The following DPP6 variants were observed in gnomAD, a reference collection of about 807,000 sequenced individuals.
The protein encoded by DPP6 is A-type potassium channel modulatory protein DPP6.
DPP6 carries 69 observed loss-of-function variants against 122.6 expected under a neutral mutation model. That is an observed-to-expected ratio of 0.56 (90% CI 0.46 to 0.69). The LOEUF is 0.69. Among genes scored for constraint, DPP6 ranks in the 30% least tolerant of loss-of-function variants. DPP6 has a pLI of 0.00. For missense variants in DPP6, 928 were observed against 1,116.9 expected (o/e 0.83, Z 2.41); for synonymous variants, 418 against 433.1 (o/e 0.97, Z 0.43).
intron 1 of DPP6, among the ~76,000 whole-genome samples, chr7:154,279,037 G>A (rs1247532536): frequency 3.3e-5 from 5 of 151,088 alleles, no homozygotes; most frequent in Admixed American, 6.6e-5. Context: ...GTATGTGTAT[G>A]TATGGGCATG....
intron 5 of DPP6, among the ~76,000 whole-genome samples, chr7:154,610,055 A>G (rs1833810267): frequency 6.6e-6 from 1 of 152,228 alleles, no homozygotes; most frequent in African/African-American, 2.4e-5. Flanking sequence ...ATCATGTTGT[A>G]TGCGGTGTGT....
the DPP6 span, among the ~76,000 whole-genome samples, chr7:153,824,310 C>A: frequency 6.9e-6 from 1 of 144,794 alleles, no homozygotes; most frequent in East Asian, 2.1e-4. Flanking sequence ...TCACTTGAAC[C>A]CGGGAGGTGG....
At chr7:154,124,216 A>C (rs900351034) in intron 1 of DPP6, among the ~76,000 whole-genome samples, 33 of 152,242 alleles carry the variant, frequency 2.2e-4, no homozygotes, top group Non-Finnish European at 4.4e-5. Context: ...AGAAATATGC[A>C]GGGTGCTGGC....
the DPP6 span, among the ~76,000 whole-genome samples, chr7:153,759,971 ATCTC>A: frequency 0.054 from 7,361 of 136,856 alleles, 172 homozygotes; most frequent in African/African-American, 0.056. Context: ...CTGTTTCTGT[ATCTC>A]TCTCTCTCTC....
intron 6 of DPP6, among the ~76,000 whole-genome samples, chr7:154,666,327 C>T (rs1208331794): frequency 1.3e-5 from 2 of 148,964 alleles, no homozygotes; most frequent in Non-Finnish European, 3.0e-5. Flanking sequence ...CACCTGCACC[C>T]TACTTCATTG....
intron 1 of DPP6, among the ~76,000 whole-genome samples, chr7:153,888,273 G>A (rs1799028831): frequency 2.0e-5 from 3 of 152,220 alleles, no homozygotes; most frequent in African/African-American, 7.2e-5. Flanking sequence ...CCTGCTCCCT[G>A]GATTGGGGAC....
At chr7:154,725,667 T>G (rs1176508531) in intron 7 of DPP6, among the ~76,000 whole-genome samples, 1 of 152,192 alleles carries the variant, frequency 6.6e-6, no homozygotes, top group Non-Finnish European at 1.5e-5. Flanking sequence ...ATTCCACTCC[T>G]GTCCCCTCCC....
chr7:153,845,787 A>T, the DPP6 span, among the ~76,000 whole-genome samples: 1 of 152,148 alleles, frequency 6.6e-6, no homozygotes, highest in Non-Finnish European at 1.5e-5. Flanking sequence ...ATAAGTTAAA[A>T]TATAATCAAT....
intron 10 of DPP6, among the ~76,000 whole-genome samples, chr7:154,774,845 C>T (rs1449771461): frequency 6.6e-6 from 1 of 152,200 alleles, no homozygotes; most frequent in African/African-American, 2.4e-5. Flanking sequence ...GAAGTCATTA[C>T]TAGCAAGTAA....
chr7:153,975,904 G>A (rs1460588065), intron 1 of DPP6, among the ~76,000 whole-genome samples: 4 of 152,320 alleles, frequency 2.6e-5, no homozygotes, highest in African/African-American at 4.8e-5. Context: ...TCCATGTGTA[G>A]GATGGGGATG....
At chr7:154,795,651 G>C (rs576190406) in intron 11 of DPP6, among the ~76,000 whole-genome samples, 194 bp from the exon 12 acceptor site, 1 of 152,222 alleles carries the variant, frequency 6.6e-6, no homozygotes, top group South Asian at 2.1e-4. Flanking sequence ...TCCGAGCCAC[G>C]CACGAGACAA....
chr7:154,764,147 C>T (rs943018244), intron 8 of DPP6, among the ~76,000 whole-genome samples: 1 of 152,148 alleles, frequency 6.6e-6, no homozygotes, highest in African/African-American at 2.4e-5. Flanking sequence ...GAGAGCTGTC[C>T]TTTCCCGGGC....
chr7:153,960,618 C>T (rs1172902585), intron 1 of DPP6, among the ~76,000 whole-genome samples: 1 of 70,120 alleles, frequency 1.4e-5, no homozygotes, highest in Non-Finnish European at 2.7e-5. Context: ...CCCAGCTCAG[C>T]TTAGCAGCCT....
intron 1 of DPP6, among the ~76,000 whole-genome samples, chr7:154,001,936 G>A (rs1287189586): frequency 6.6e-6 from 1 of 151,788 alleles, no homozygotes; most frequent in Middle Eastern, 3.2e-3. Flanking sequence ...ATGTTACCAC[G>A]GAGCATGGAG....
intron 3 of DPP6, among the ~76,000 whole-genome samples, chr7:154,493,433 T>A (rs1377910288): frequency 6.6e-6 from 1 of 152,174 alleles, no homozygotes; most frequent in Non-Finnish European, 1.5e-5. Flanking sequence ...CACAGGGAGA[T>A]TTTATTTAAA....
chr7:154,876,238 T>C (rs2150656283), intron 20 of DPP6, 138 bp downstream of exon 20: 1 of 1,303,344 alleles, frequency 7.7e-7, no homozygotes. Context: ...CTAAAATCTC[T>C]TGGCCATTCC....
intron 1 of DPP6, among the ~76,000 whole-genome samples, chr7:154,137,618 G>A (rs1392737739): frequency 1.5e-5 from 2 of 134,416 alleles, no homozygotes; most frequent in East Asian, 2.5e-4. Context: ...ATGCTGAGGG[G>A]ACGAAGCAGC....
chr7:154,849,138 A>G (rs538371031), intron 16 of DPP6, among the ~76,000 whole-genome samples: 85 of 152,018 alleles, frequency 5.6e-4, no homozygotes, highest in African/African-American at 1.3e-3. Flanking sequence ...TGCTTTGGCT[A>G]TTTGGGGTCT....
At chr7:154,345,946 G>C (rs1037861598) in intron 1 of DPP6, among the ~76,000 whole-genome samples, 6 of 152,176 alleles carry the variant, frequency 3.9e-5, no homozygotes, top group Admixed American at 3.3e-4. Flanking sequence ...CTTTCTGTCA[G>C]TCAGACAGAC....
Sources: gnomAD v4.1 joint callset for allele counts (sites outside exome capture counted in the v4.1 genomes callset) on GRCh38, gnomAD v4.1.1 for gene constraint, MANE v1.5 for transcripts, NCBI Gene and HGNC (gene_info 2026-07-23, HGNC 2026-07-21) for gene names.